Variants in CADM2 observed in about 807,000 individuals in gnomAD.
CADM2 encodes the protein cell adhesion molecule 2, also known as immunoglobulin superfamily member 4D.
A neutral mutation model predicts 49.8 loss-of-function variants in CADM2; 12 were observed. The observed-to-expected ratio is 0.24, with a 90% CI of 0.15 to 0.39. The LOEUF (loss-of-function observed/expected upper bound fraction) is 0.39. Ranked by LOEUF, CADM2 falls within the 10% of genes least tolerant of loss-of-function variation. CADM2 has a pLI of 1.00. For missense variants in CADM2, 378 were observed against 492.3 expected (o/e 0.77, Z 2.20); for synonymous variants, 214 against 175.4 (o/e 1.22, Z -1.74).
intron 8 of CADM2, among the ~76,000 whole-genome samples, chr3:85,977,016 G>A (rs974730997): frequency 2.0e-5 from 3 of 151,074 alleles, no homozygotes; most frequent in African/African-American, 7.3e-5. Flanking sequence ...AATGCTCCTA[G>A]TACTTGAAAA....
chr3:85,387,028 T>C (rs1311993297), intron 1 of CADM2, among the ~76,000 whole-genome samples: 1 of 152,150 alleles, frequency 6.6e-6, no homozygotes, highest in Non-Finnish European at 1.5e-5. Context: ...TGGCTCAGTC[T>C]GGGTTCCTAA....
At chr3:85,015,216 A>C in intron 1 of CADM2, among the ~76,000 whole-genome samples, 1 of 152,108 alleles carries the variant, frequency 6.6e-6, no homozygotes, top group Non-Finnish European at 1.5e-5. Flanking sequence ...TGCCTTACTT[A>C]AGCCAGAAAA....
intron 1 of CADM2, among the ~76,000 whole-genome samples, chr3:85,627,181 G>C (rs578021669): frequency 2.0e-5 from 3 of 151,040 alleles, no homozygotes; most frequent in African/African-American, 7.4e-5. Context: ...ACATTCTGGA[G>C]GTTGTTAAAA....
At chr3:85,798,022 T>A (rs2071731024) in intron 2 of CADM2, among the ~76,000 whole-genome samples, 4 of 151,786 alleles carry the variant, frequency 2.6e-5, no homozygotes, top group African/African-American at 9.7e-5. Context: ...GATGATGAAC[T>A]TTTTTTTTCA....
At chr3:85,629,176 G>C (rs936847178) in intron 1 of CADM2, among the ~76,000 whole-genome samples, 3 of 151,670 alleles carry the variant, frequency 2.0e-5, no homozygotes, top group African/African-American at 7.3e-5. Context: ...ATATTTTAAA[G>C]TATTTTGGAA....
chr3:85,250,270 A>G (rs2042745103), intron 1 of CADM2, among the ~76,000 whole-genome samples: 1 of 151,718 alleles, frequency 6.6e-6, no homozygotes, highest in Middle Eastern at 3.2e-3. Flanking sequence ...AATTATTTGT[A>G]TTATAAGAAA....
At chr3:84,977,128 T>C (rs541522846) in intron 1 of CADM2, among the ~76,000 whole-genome samples, 5 of 152,094 alleles carry the variant, frequency 3.3e-5, no homozygotes, top group Non-Finnish European at 7.4e-5. Context: ...TATAGATCTT[T>C]AGCGCCTTTA....
chr3:85,276,857 G>T (rs74960487), intron 1 of CADM2, among the ~76,000 whole-genome samples: 4,293 of 151,306 alleles, frequency 0.028, 79 homozygotes, highest in South Asian at 0.047. Flanking sequence ...ATGAACAGGG[G>T]AATAATGGGG....
intron 1 of CADM2, among the ~76,000 whole-genome samples, chr3:85,194,293 G>A (rs1435531770): frequency 3.3e-5 from 5 of 152,024 alleles, no homozygotes; most frequent in African/African-American, 7.2e-5. Context: ...AATAGAAACC[G>A]TAGAGCTTTG....
rs1281399219 is a variant in CADM2 at position 85,601,159 on chromosome 3, TATATATATATATATACACAC to T, written c.62-125361_62-125342del. Among the ~76,000 whole-genome samples the T allele has an allele frequency of 2.2e-3, 173 of 79,840 alleles. 10 individuals are homozygous for T. In the South Asian group the frequency reaches 0.069, roughly 32 times the overall value. 52.4% of individuals were successfully genotyped at this position (79,840 alleles called of 152,430 possible). A position where few individuals can be genotyped will look rare whatever the true frequency, so the allele number is the denominator to read the frequency against. ...ATATATATATATATATATATATATA[TATATATATATATATACACAC>T]ACACACACACATACATGTCATTTGC... On this transcript the variant is annotated intron_variant, in intron 1 of 9. Coordinates refer to ENST00000383699, the MANE Select transcript of CADM2 (RefSeq NM_001167675.2).
At chr3:85,268,192 G>T (rs72919203) in intron 1 of CADM2, among the ~76,000 whole-genome samples, 10,038 of 151,398 alleles carry the variant, frequency 0.066, 1,087 homozygotes, top group African/African-American at 0.23. Context: ...AGCAAAAATG[G>T]CAGAGTAGGA....
chr3:86,035,420 T>C (rs532876340), intron 8 of CADM2, among the ~76,000 whole-genome samples: 2 of 152,234 alleles, frequency 1.3e-5, no homozygotes, highest in African/African-American at 4.8e-5. Flanking sequence ...ATTCCTTGTA[T>C]ATTGGTTTGT....
rs896192903 is a variant in CADM2, at chr3:85,905,680, G to A, written c.530-6693G>A. 1.8e-4 allele frequency among the ~76,000 whole-genome samples: 28 copies of A among 152,108 alleles called. 1 individual carries two copies. The highest frequency in any genetic ancestry group is 6.7e-4 in the African/African-American group (28 of 41,536). On this transcript the variant is annotated intron_variant, in intron 5 of 9. Coordinates refer to ENST00000383699, the MANE Select transcript of CADM2 (RefSeq NM_001167675.2). ...AAAAGAAAAATAATTAGTAAAAAAG[G>A]AAATAACAAAGTTAAAAATTTAATC...
chr3:86,006,414 C>G (rs1427040683), intron 8 of CADM2, among the ~76,000 whole-genome samples: 2 of 152,130 alleles, frequency 1.3e-5, no homozygotes, highest in Non-Finnish European at 2.9e-5. Flanking sequence ...AATCCCTTCT[C>G]CACCAACAGA....
At chr3:85,834,960 T>C (rs896460759) in intron 3 of CADM2, among the ~76,000 whole-genome samples, 1 of 151,612 alleles carries the variant, frequency 6.6e-6, no homozygotes, top group African/African-American at 2.4e-5. Flanking sequence ...TTGAGTTAAA[T>C]ATTCATTCAA....
At chr3:85,355,524 G>A (rs529276678) in intron 1 of CADM2, among the ~76,000 whole-genome samples, 42 of 152,044 alleles carry the variant, frequency 2.8e-4, no homozygotes, top group Non-Finnish European at 4.9e-4. Context: ...ATTTTCATTC[G>A]GGCCATTTTT....
At chr3:85,506,072 A>G (rs374831222) in intron 1 of CADM2, among the ~76,000 whole-genome samples, 2 of 152,164 alleles carry the variant, frequency 1.3e-5, no homozygotes, top group South Asian at 2.1e-4. Flanking sequence ...TACTACTGCA[A>G]TTTCTACTAT....
At chr3:85,999,730 G>C (rs896570162) in intron 8 of CADM2, among the ~76,000 whole-genome samples, 1 of 152,060 alleles carries the variant, frequency 6.6e-6, no homozygotes. Flanking sequence ...ACAGGGAGTG[G>C]TGATGAATTT....
At chr3:85,936,187 C>T (rs1283754732) in intron 7 of CADM2, among the ~76,000 whole-genome samples, 1 of 151,510 alleles carries the variant, frequency 6.6e-6, no homozygotes, top group Non-Finnish European at 1.5e-5. Context: ...TTCAGTTCTC[C>T]CATGAAAAAC....
Sources: allele counts gnomAD v4.1 joint callset (sites outside exome capture counted in the v4.1 genomes callset), GRCh38; gene constraint gnomAD v4.1.1; transcripts MANE v1.5; gene names NCBI Gene and HGNC (gene_info 2026-07-23, HGNC 2026-07-21).